BCKDHB: variants seen among roughly 807,000 people sequenced by gnomAD.
The protein encoded by BCKDHB is branched chain keto acid dehydrogenase E1 subunit beta, also known as 2-oxoisovalerate dehydrogenase subunit beta, mitochondrial.
In BCKDHB, 41 loss-of-function variants were observed where a neutral mutation model predicts 48.5. The ratio of observed to expected loss-of-function variants is 0.85; its 90% CI spans 0.66 to 1.10. BCKDHB has a LOEUF of 1.10. Among genes scored for constraint, BCKDHB ranks in the 50% least tolerant of loss-of-function variants. The pLI is 0.00. For missense variants in BCKDHB, 496 were observed against 494.2 expected, an observed-to-expected ratio of 1.00 and a Z score of -0.03; for synonymous variants, 201 against 174.8, an observed-to-expected ratio of 1.15 and a Z score of -1.18.
At chr6:80,375,914 C>T in the BCKDHB span, among the ~76,000 whole-genome samples, 5 of 152,090 alleles carry the variant, frequency 3.3e-5, no homozygotes, top group Non-Finnish European at 7.4e-5. Context: ...ATTTTTATTA[C>T]GTGTGTTGGT....
chr6:80,445,553 T>C, the BCKDHB span, among the ~76,000 whole-genome samples: 1 of 152,170 alleles, frequency 6.6e-6, no homozygotes, highest in Non-Finnish European at 1.5e-5. Flanking sequence ...TATATCTGTA[T>C]CTATTATTAT....
intron 3 of BCKDHB, among the ~76,000 whole-genome samples, chr6:80,160,683 A>G (rs547382748): frequency 6.6e-6 from 1 of 152,310 alleles, no homozygotes; most frequent in South Asian, 2.1e-4. Context: ...CTTCTTAATC[A>G]TGCTCCCTTT....
At chr6:80,210,886 G>T (rs1158430147) in intron 8 of BCKDHB, among the ~76,000 whole-genome samples, 1 of 152,116 alleles carries the variant, frequency 6.6e-6, no homozygotes, top group Non-Finnish European at 1.5e-5. Context: ...CTGCTGACAT[G>T]CAGACCACAT....
intron 9 of BCKDHB, among the ~76,000 whole-genome samples, chr6:80,334,233 T>C (rs1769456755): frequency 6.6e-6 from 1 of 152,102 alleles, no homozygotes; most frequent in Non-Finnish European, 1.5e-5. Context: ...TTCCATTGGA[T>C]ACAAACAATA....
At chr6:80,416,660 C>T in the BCKDHB span, among the ~76,000 whole-genome samples, 18 of 151,972 alleles carry the variant, frequency 1.2e-4, no homozygotes, top group Non-Finnish European at 2.2e-4. Context: ...CTTATGATTT[C>T]CATTCTTTTG....
intron 9 of BCKDHB, among the ~76,000 whole-genome samples, chr6:80,277,227 T>A (rs1231846354): frequency 6.6e-6 from 1 of 152,072 alleles, no homozygotes; most frequent in Non-Finnish European, 1.5e-5. Context: ...AAGCAAAGAT[T>A]TTATTGTTTC....
chr6:80,386,730 A>G, the BCKDHB span, among the ~76,000 whole-genome samples: 1 of 137,246 alleles, frequency 7.3e-6, no homozygotes, highest in African/African-American at 2.7e-5. Context: ...CTAATTAATC[A>G]TGGTGTTCCT....
intron 8 of BCKDHB, among the ~76,000 whole-genome samples, chr6:80,241,906 A>T (rs1054864046): frequency 2.0e-5 from 3 of 152,104 alleles, no homozygotes; most frequent in Non-Finnish European, 4.4e-5. Flanking sequence ...ATTGGGGGAA[A>T]ATTTTTCTTA....
At chr6:80,444,621 G>A in the BCKDHB span, among the ~76,000 whole-genome samples, 14 of 152,174 alleles carry the variant, frequency 9.2e-5, no homozygotes, top group African/African-American at 2.9e-4. Flanking sequence ...CTTCATCCCA[G>A]CAGGTGCACA....
Position 80,164,014 on chromosome 6 carries a change from G to A in BCKDHB, c.344-3664G>A, listed in dbSNP as rs148559923. ...GCAGTAGCAGATAATCAATCTTGCTGTGTCCACCCTTGCTATTGACAGGCT... is the reference window on the plus strand; with the variant it reads ...GCAGTAGCAGATAATCAATCTTGCTATGTCCACCCTTGCTATTGACAGGCT... On this transcript the variant is annotated intron_variant, in intron 3 of 9. Transcript: ENST00000320393. 1.7e-3 allele frequency among the ~76,000 whole-genome samples: 266 copies of A among 152,288 alleles called. 1 individual carries two copies. Among genetic ancestry groups the A allele is most frequent in the African/African-American group, 6.0e-3 (251 of 41,560 alleles).
At chr6:80,221,025 A>C (rs1367711396) in intron 8 of BCKDHB, among the ~76,000 whole-genome samples, 1 of 151,872 alleles carries the variant, frequency 6.6e-6, no homozygotes, top group Non-Finnish European at 1.5e-5. Context: ...GAGCCACCGC[A>C]CCTGGCTATT....
intron 9 of BCKDHB, among the ~76,000 whole-genome samples, chr6:80,335,621 G>A (rs1769551073): frequency 6.6e-6 from 1 of 152,028 alleles, no homozygotes; most frequent in South Asian, 2.1e-4. Context: ...ATCTCATAAA[G>A]AATTTAAATT....
chr6:80,322,094 CTTA>C (rs1768757558), intron 9 of BCKDHB, among the ~76,000 whole-genome samples: 1 of 152,128 alleles, frequency 6.6e-6, no homozygotes, highest in Non-Finnish European at 1.5e-5. Flanking sequence ...ATGTATATTA[CTTA>C]ACAACTAAAA....
chr6:80,319,666 C>T (rs764114258), intron 9 of BCKDHB, among the ~76,000 whole-genome samples: 3 of 152,028 alleles, frequency 2.0e-5, no homozygotes, highest in Admixed American at 6.6e-5. Context: ...CAGGTGTAGG[C>T]GTTGTCAGTT....
chr6:80,345,972 C>T lies in BCKDHB; in HGVS notation c.*2168C>T, dbSNP rs946939212. The T allele has an allele frequency of 6.6e-6, 1 of 152,002 alleles. No individual in the cohort carries two copies. The highest frequency in any genetic ancestry group is 1.5e-5 in the Non-Finnish European group (1 of 67,996). 9.4% of individuals were successfully genotyped at this position (152,002 alleles called of 1,614,324 possible). On this transcript the variant is annotated 3_prime_UTR_variant, in exon 10 of 10. Transcript: ENST00000320393. ...TTGAGAAAGTCTATAATTTATTTTA[C>T]AGAAAAGCTGGAAGATTATGACTAG...
intron 3 of BCKDHB, among the ~76,000 whole-genome samples, chr6:80,162,150 C>T (rs532988569): frequency 9.2e-5 from 14 of 152,242 alleles, no homozygotes; most frequent in African/African-American, 3.4e-4. Flanking sequence ...CTGCATGTTC[C>T]GGGTCCATTC....
intron 9 of BCKDHB, among the ~76,000 whole-genome samples, chr6:80,285,339 T>A (rs956193408): frequency 6.6e-6 from 1 of 152,190 alleles, no homozygotes; most frequent in Non-Finnish European, 1.5e-5. Context: ...AGTCTTCTAA[T>A]ATGATGGAAT....
chr6:80,238,740 T>TC (rs1317222125), intron 8 of BCKDHB, among the ~76,000 whole-genome samples: 2 of 130,272 alleles, frequency 1.5e-5, no homozygotes, highest in African/African-American at 5.0e-5. Flanking sequence ...CCTAATGCTA[T>TC]CCCTCCCCCC....
intron 8 of BCKDHB, among the ~76,000 whole-genome samples, chr6:80,223,789 A>G (rs750299216): frequency 9.2e-5 from 14 of 152,162 alleles, no homozygotes; most frequent in Non-Finnish European, 1.9e-4. Flanking sequence ...GTTGTGAATC[A>G]TATGAGACAT....
Sources: allele counts gnomAD v4.1 joint callset (sites outside exome capture counted in the v4.1 genomes callset), GRCh38; gene constraint gnomAD v4.1.1; transcripts MANE v1.5; gene names NCBI Gene and HGNC (gene_info 2026-07-23, HGNC 2026-07-21).